The following IFNAR1 variants were observed in gnomAD, a reference collection of about 807,000 sequenced individuals.
The protein encoded by IFNAR1 is interferon alpha and beta receptor subunit 1, also known as interferon alpha/beta receptor 1.
Under a neutral mutation model 62.1 loss-of-function variants are expected in IFNAR1, and 47 were observed. The observed-to-expected ratio is 0.76, with a 90% CI of 0.60 to 0.97. IFNAR1 has a LOEUF of 0.97. Ranked by LOEUF, IFNAR1 falls within the 50% of genes least tolerant of loss-of-function variation. The probability of loss-of-function intolerance (pLI) is 0.00; values close to 1 mark genes in which losing one functional copy is unlikely to be tolerated. For missense variants in IFNAR1, 638 were observed against 654.5 expected, an observed-to-expected ratio of 0.97 and a Z score of 0.27; for synonymous variants, 219 against 226.9, an observed-to-expected ratio of 0.97 and a Z score of 0.31.
chr21:33,344,731 G>T (rs1426103108), intron 5 of IFNAR1, among the ~76,000 whole-genome samples: 1 of 151,452 alleles, frequency 6.6e-6, no homozygotes, highest in Non-Finnish European at 1.5e-5. Context: ...TTCTTCATTT[G>T]ATCTTAGCCA....
intron 8 of IFNAR1, among the ~76,000 whole-genome samples, chr21:33,349,871 T>C (rs1238625956): frequency 6.6e-6 from 1 of 151,836 alleles, no homozygotes; most frequent in East Asian, 1.9e-4. Context: ...TGAGCCATGA[T>C]CGTGCCACTG....
At chr21:33,342,612 A>C (rs1037691013) in intron 3 of IFNAR1, among the ~76,000 whole-genome samples, 1 of 150,656 alleles carries the variant, frequency 6.6e-6, no homozygotes, top group African/African-American at 2.4e-5. Flanking sequence ...TGGGAGGCCA[A>C]GGCGGGCAGA....
intron 1 of IFNAR1, among the ~76,000 whole-genome samples, chr21:33,329,002 T>C (rs1215315916): frequency 6.6e-6 from 1 of 152,098 alleles, no homozygotes; most frequent in Non-Finnish European, 1.5e-5. Flanking sequence ...TAGAGCAAAA[T>C]CTGTGAAAAC....
At chr21:33,344,340 A>G (rs1428852248) in intron 5 of IFNAR1, among the ~76,000 whole-genome samples, 2 of 152,220 alleles carry the variant, frequency 1.3e-5, no homozygotes, top group Non-Finnish European at 2.9e-5. Flanking sequence ...GAATGTTAAA[A>G]TATGAAAGTA....
chr21:33,336,072 C>T (rs368635439), intron 2 of IFNAR1, among the ~76,000 whole-genome samples: 1 of 136,144 alleles, frequency 7.3e-6, no homozygotes, highest in Non-Finnish European at 1.6e-5. Context: ...ATCCCTCCCC[C>T]CTCCCCCCAT....
Position 33,355,406 on chromosome 21 carries a change from A to T in IFNAR1, c.1531A>T (p.Ile511Phe). ...KCFIIENIST[I>F]ATVEETNQTD... ...TTTCATAATTGAAAATATAAGCACA[A>T]TTGCTACAGTAGAAGAAACTAATCA... Residue 511 changes from isoleucine to phenylalanine, a missense_variant, in exon 11 of 11, where the codon ATT becomes TTT. Coordinates refer to ENST00000270139, the MANE Select transcript of IFNAR1 (RefSeq NM_000629.3). 1 of 1,602,160 alleles carries T rather than the reference A, an allele frequency of 6.2e-7. No individual in the cohort carries two copies. The highest frequency in any genetic ancestry group is 8.5e-7 in the Non-Finnish European group (1 of 1,172,130).
In IFNAR1 at chr21:33,358,841, T is replaced by TTATATATATATA. The variant is rs375942471; in HGVS notation, c.*3297_*3308dup. ...TAACATGGCCAGACCCCATCTCTAT[T>TTATATATATATA]TATATATATATATATAAAACTTAGA... On this transcript the variant is annotated 3_prime_UTR_variant, in exon 11 of 11. Transcript: ENST00000270139. 1 of 150,104 alleles carries TTATATATATATA rather than the reference T, an allele frequency of 6.7e-6. No homozygotes were observed. The highest frequency in any genetic ancestry group is 2.5e-5 in the African/African-American group (1 of 40,664). 9.3% of individuals were successfully genotyped at this position (150,104 alleles called of 1,614,324 possible).
intron 3 of IFNAR1, 78 bp from the exon 4 acceptor site, chr21:33,343,190 C>A: frequency 7.9e-7 from 1 of 1,259,176 alleles, no homozygotes; most frequent in Non-Finnish European, 1.1e-6. Context: ...ATATTAAGTG[C>A]TCAGAATTAT....
chr21:33,326,080 C>A (rs12626750), intron 1 of IFNAR1, among the ~76,000 whole-genome samples: 37,035 of 151,970 alleles, frequency 0.24, 4,651 homozygotes, highest in East Asian at 0.37. Flanking sequence ...AATGTTATCT[C>A]AATGAGATTG....
intron 8 of IFNAR1, among the ~76,000 whole-genome samples, chr21:33,350,323 A>C (rs2083387174): frequency 6.6e-6 from 1 of 151,510 alleles, no homozygotes; most frequent in African/African-American, 2.4e-5. Context: ...GGCTCCTCCA[A>C]GGGGACAAAA....
chr21:33,341,793 C>T (rs779433494), intron 3 of IFNAR1, among the ~76,000 whole-genome samples: 9 of 152,144 alleles, frequency 5.9e-5, no homozygotes, highest in East Asian at 1.9e-4. Flanking sequence ...GTGACTCTCC[C>T]GCCTCAGCCT....
At chr21:33,343,740 T>C in intron 5 of IFNAR1, 64 bp downstream of exon 5, 1 of 1,123,722 alleles carries the variant, frequency 8.9e-7, no homozygotes, top group Non-Finnish European at 1.3e-6. Context: ...TTTGGCATCT[T>C]CCCCATATTG....
At chr21:33,349,637 A>C in intron 8 of IFNAR1, 94 bp downstream of exon 8, 1 of 948,330 alleles carries the variant, frequency 1.1e-6, no homozygotes, top group Non-Finnish European at 1.5e-6. Context: ...GGAAATTTTT[A>C]AACTTTATGT....
chr21:33,325,203 A>G (rs2083114880), intron 1 of IFNAR1, 72 bp downstream of exon 1: 1 of 1,347,484 alleles, frequency 7.4e-7, no homozygotes. Context: ...GGGGGCGGCG[A>G]TGCTGTTGGG....
intron 1 of IFNAR1, among the ~76,000 whole-genome samples, chr21:33,327,182 A>G (rs1307535405): frequency 2.0e-5 from 3 of 152,154 alleles, no homozygotes; most frequent in Non-Finnish European, 4.4e-5. Context: ...TGTTTATGAA[A>G]AACTTGCATT....
chr21:33,333,615 TTTTTTTTTTTC>T (rs1001963830), intron 1 of IFNAR1, among the ~76,000 whole-genome samples: 2 of 5,128 alleles, frequency 3.9e-4, no homozygotes, highest in Non-Finnish European at 6.0e-4. Flanking sequence ...TGGCGGAATA[TTTTTTTTTTTC>T]TTTTTTTTTT....
intron 2 of IFNAR1, among the ~76,000 whole-genome samples, chr21:33,336,747 C>CT (rs562998490): frequency 0.099 from 9,209 of 92,718 alleles, 753 homozygotes; most frequent in African/African-American, 0.19. Flanking sequence ...TTTAGGTACA[C>CT]TTTTTTTTTT....
chr21:33,335,084 CT>C, intron 1 of IFNAR1: 2 of 864,022 alleles, frequency 2.3e-6, no homozygotes, highest in Admixed American at 1.8e-5. Flanking sequence ...TTGATTGCCC[CT>C]AGGACTCAAC....
In IFNAR1 at chr21:33,335,005, C is replaced by T. The variant is rs1217863241; in HGVS notation, c.77-519C>T. The stretch of plus-strand genomic sequence containing the variant: ...AGAGGCACTGCTTGGGCAGGTGACT[C>T]TTCCTGGCACTGGTCAATTATTTGT... On this transcript the variant is annotated intron_variant, in intron 1 of 10. Transcript: ENST00000270139. 4.6e-6 allele frequency: 7 copies of T among 1,509,518 alleles called. No homozygotes were observed. In the African/African-American group the frequency reaches 5.5e-5, roughly 12 times the overall value. The allele number at this position is 1,509,518 out of a possible 1,614,324, so 93.5% of individuals were successfully genotyped here.
Sources: gnomAD v4.1 joint callset for allele counts (sites outside exome capture counted in the v4.1 genomes callset) on GRCh38, gnomAD v4.1.1 for gene constraint, MANE v1.5 for transcripts, NCBI Gene and HGNC (gene_info 2026-07-23, HGNC 2026-07-21) for gene names.